The following METTL15 variants were observed in gnomAD, a reference collection of about 807,000 sequenced individuals.
METTL15 encodes the protein 12S rRNA N(4)-cytidine methyltransferase METTL15.
Under a neutral mutation model 38.3 loss-of-function variants are expected in METTL15, and 34 were observed. That is an observed-to-expected ratio of 0.89 (90% CI 0.68 to 1.18). METTL15 has a LOEUF of 1.18. Among genes scored for constraint, METTL15 ranks in the 50% most tolerant of loss-of-function variants. METTL15 has a pLI of 0.00. For synonymous variants in METTL15, 162 were observed against 170.9 expected, an observed-to-expected ratio of 0.95 and a Z score of 0.41; for missense variants, 438 against 498.4, an observed-to-expected ratio of 0.88 and a Z score of 1.15.
At chr11:28,516,534 T>G (rs1051461873) in intron 6 of METTL15, among the ~76,000 whole-genome samples, 5 of 152,242 alleles carry the variant, frequency 3.3e-5, no homozygotes, top group African/African-American at 1.2e-4. Flanking sequence ...TACTCCATAC[T>G]ACTCTTTTTT....
At chr11:28,215,869 T>C (rs1590170959) in intron 4 of METTL15, among the ~76,000 whole-genome samples, 1 of 152,118 alleles carries the variant, frequency 6.6e-6, no homozygotes, top group East Asian at 1.9e-4. Flanking sequence ...CACCGTTTCT[T>C]ACAGAGAAAT....
intron 6 of METTL15, among the ~76,000 whole-genome samples, chr11:28,484,368 C>T (rs1172511874): frequency 2.0e-5 from 3 of 152,150 alleles, no homozygotes; most frequent in Admixed American, 1.3e-4. Context: ...AACCACTGGG[C>T]GACAGTGCCT....
At chr11:28,431,940 C>G (rs1298052329) in intron 6 of METTL15, among the ~76,000 whole-genome samples, 1 of 152,084 alleles carries the variant, frequency 6.6e-6, no homozygotes, top group Non-Finnish European at 1.5e-5. Flanking sequence ...CAAGCTGTGT[C>G]TCCACAGGGT....
rs1278171468 is a variant in METTL15 at position 28,192,633 on chromosome 11, A to G, written c.271-18429A>G. Among the ~76,000 whole-genome samples the G allele has an allele frequency of 2.6e-5, 4 of 152,184 alleles. No individual in the cohort carries two copies. In the East Asian group the frequency reaches 7.7e-4, roughly 29 times the overall value. ...TTCATTAAGTCTTAGAATTTATAGA[A>G]TTCACTGTTGAAGCTATCTGGAACT... is the stretch of plus-strand genomic sequence containing the variant. On this transcript the variant is annotated intron_variant, in intron 3 of 6. Coordinates refer to ENST00000407364, the MANE Select transcript of METTL15 (RefSeq NM_001113528.2).
chr11:28,216,218 T>TA (rs1187587949), intron 4 of METTL15, among the ~76,000 whole-genome samples: 1 of 152,086 alleles, frequency 6.6e-6, no homozygotes, highest in African/African-American at 2.4e-5. Context: ...AAACCTGCCT[T>TA]ACTAGATATA....
At chr11:28,366,291 A>G (rs1850184834) in intron 5 of METTL15, among the ~76,000 whole-genome samples, 1 of 152,172 alleles carries the variant, frequency 6.6e-6, no homozygotes, top group Non-Finnish European at 1.5e-5. Context: ...CATATGGCAG[A>G]AGAGCTTGTG....
At chr11:28,505,049 T>C (rs547503545) in intron 6 of METTL15, among the ~76,000 whole-genome samples, 1 of 152,288 alleles carries the variant, frequency 6.6e-6, no homozygotes, top group Non-Finnish European at 1.5e-5. Flanking sequence ...TTAAAGCTGG[T>C]TGCATTGGCT....
intron 5 of METTL15, among the ~76,000 whole-genome samples, chr11:28,412,670 G>A (rs1324782472): frequency 6.6e-6 from 1 of 152,008 alleles, no homozygotes; most frequent in African/African-American, 2.4e-5. Flanking sequence ...TCACTGATAT[G>A]TGGAATATAT....
intron 4 of METTL15, among the ~76,000 whole-genome samples, chr11:28,257,566 T>A (rs1437922548): frequency 6.6e-6 from 1 of 152,168 alleles, no homozygotes; most frequent in Non-Finnish European, 1.5e-5. Flanking sequence ...CCTGTAGGCA[T>A]GCTTCATGTT....
intron 5 of METTL15, among the ~76,000 whole-genome samples, chr11:28,376,488 C>T (rs1258197486): frequency 6.6e-6 from 1 of 151,856 alleles, no homozygotes; most frequent in Non-Finnish European, 1.5e-5. Context: ...GGATTGCAAC[C>T]CCTGCCTTTT....
At chr11:28,494,839 A>G (rs1341669417) in intron 6 of METTL15, among the ~76,000 whole-genome samples, 8 of 152,332 alleles carry the variant, frequency 5.3e-5, no homozygotes, top group East Asian at 1.9e-4. Context: ...CTCCCCAGCC[A>G]TGTAGAACTG....
At chr11:28,262,693 C>T (rs1363798809) in intron 4 of METTL15, among the ~76,000 whole-genome samples, 1 of 152,120 alleles carries the variant, frequency 6.6e-6, no homozygotes, top group Non-Finnish European at 1.5e-5. Flanking sequence ...TTTCATTAGG[C>T]AAGTATTTTT....
rs867827037 is a variant in METTL15, at chr11:28,403,913, T to A, written c.*359-20386T>A. ...TCTAAATAGCTTCTTATTCTTTTTT[T>A]AAAAACCATGCTGATTTCTGTATCC... On this transcript the variant is annotated intron_variant and NMD_transcript_variant, in intron 5 of 7. Coordinates refer to the METTL15 transcript ENST00000532947. Among the ~76,000 whole-genome samples, 6 of 152,186 alleles carry A rather than the reference T, an allele frequency of 3.9e-5. No individual in the cohort carries two copies. The East Asian group carries it at 7.7e-4, about 20-fold the overall frequency.
intron 3 of METTL15, among the ~76,000 whole-genome samples, chr11:28,346,149 A>G (rs1849993839): frequency 6.6e-6 from 1 of 152,218 alleles, no homozygotes; most frequent in Admixed American, 6.5e-5. Context: ...ACTGAATGAA[A>G]ATATGTTCTG....
chr11:28,238,202 C>T (rs918171169), intron 4 of METTL15, among the ~76,000 whole-genome samples: 65 of 152,152 alleles, frequency 4.3e-4, no homozygotes, highest in Non-Finnish European at 7.9e-4. Context: ...GTGCCCTGCC[C>T]CCAGAGGTGG....
intron 5 of METTL15, among the ~76,000 whole-genome samples, chr11:28,294,314 C>G (rs1590279218): frequency 6.6e-6 from 1 of 152,092 alleles, no homozygotes; most frequent in Admixed American, 6.6e-5. Context: ...AATGCTAATC[C>G]AAGTGGTATA....
At chr11:28,122,589 T>C (rs980026610) in intron 3 of METTL15, among the ~76,000 whole-genome samples, 2 of 151,540 alleles carry the variant, frequency 1.3e-5, no homozygotes, top group African/African-American at 4.8e-5. Context: ...TATATATACA[T>C]TTATGTATAC....
intron 5 of METTL15, among the ~76,000 whole-genome samples, chr11:28,410,129 T>G (rs1280444929): frequency 2.0e-5 from 3 of 152,064 alleles, no homozygotes; most frequent in Non-Finnish European, 4.4e-5. Context: ...ACTAAAAACC[T>G]TCCAACAAAG....
chr11:28,392,766 T>C (rs1850524919), intron 5 of METTL15, among the ~76,000 whole-genome samples: 1 of 151,710 alleles, frequency 6.6e-6, no homozygotes, highest in Admixed American at 6.6e-5. Context: ...TGAAAAGGGG[T>C]CAATATCCAG....
Sources: gnomAD v4.1 joint callset for allele counts (sites outside exome capture counted in the v4.1 genomes callset) on GRCh38, gnomAD v4.1.1 for gene constraint, MANE v1.5 for transcripts, NCBI Gene and HGNC (gene_info 2026-07-23, HGNC 2026-07-21) for gene names.